The following UBE2E2 variants were observed in gnomAD, a reference collection of about 807,000 sequenced individuals.
UBE2E2 encodes the protein ubiquitin-conjugating enzyme E2 E2.
A neutral mutation model predicts 24.7 loss-of-function variants in UBE2E2; 6 were observed. The ratio of observed to expected loss-of-function variants is 0.24; its 90% CI spans 0.13 to 0.48. The LOEUF (loss-of-function observed/expected upper bound fraction) is 0.48. UBE2E2 is among the 20% of genes least tolerant of loss of function. The pLI, the probability that UBE2E2 is intolerant of heterozygous loss-of-function variation, is 0.99. For missense variants in UBE2E2, 169 were observed against 245.0 expected (o/e 0.69, Z 2.07); for synonymous variants, 104 against 83.6 (o/e 1.24, Z -1.33).
chr3:23,361,376 C>G (rs1696109319), intron 3 of UBE2E2, among the ~76,000 whole-genome samples: 1 of 149,638 alleles, frequency 6.7e-6, no homozygotes, highest in Admixed American at 6.7e-5. Context: ...ACAACATGCA[C>G]ACACATGTTT....
intron 3 of UBE2E2, among the ~76,000 whole-genome samples, chr3:23,400,700 TAGAA>T (rs1697202657): frequency 2.0e-5 from 3 of 152,014 alleles, no homozygotes; most frequent in Non-Finnish European, 2.9e-5. Flanking sequence ...TCCACTTAAA[TAGAA>T]AGCCACATTC....
intron 3 of UBE2E2, among the ~76,000 whole-genome samples, chr3:23,375,896 A>T (rs1696509701): frequency 6.6e-6 from 1 of 152,166 alleles, no homozygotes; most frequent in Non-Finnish European, 1.5e-5. Context: ...ATAAGGCAAA[A>T]ATTAAATTAT....
At chr3:23,378,928 A>G (rs568531122) in intron 3 of UBE2E2, among the ~76,000 whole-genome samples, 2 of 152,294 alleles carry the variant, frequency 1.3e-5, no homozygotes, top group East Asian at 3.9e-4. Context: ...AATCTCTATA[A>G]CACCCTTTAA....
chr3:23,326,212 C>T (rs1041635434), intron 3 of UBE2E2, among the ~76,000 whole-genome samples: 10 of 152,284 alleles, frequency 6.6e-5, no homozygotes, highest in African/African-American at 2.4e-4. Context: ...GCTGGGATTA[C>T]AGGCGCCTGC....
At chr3:23,358,423 A>G (rs1305143938) in intron 3 of UBE2E2, among the ~76,000 whole-genome samples, 1 of 152,234 alleles carries the variant, frequency 6.6e-6, no homozygotes, top group African/African-American at 2.4e-5. Context: ...GTCTGGGAAC[A>G]TTTAATATGT....
intron 3 of UBE2E2, among the ~76,000 whole-genome samples, chr3:23,485,469 G>T (rs1260246814): frequency 6.6e-6 from 1 of 152,016 alleles, no homozygotes; most frequent in African/African-American, 2.4e-5. Context: ...GCCTATTTTA[G>T]CCATCTAGCA....
chr3:23,262,992 T>C (rs1212346020), intron 3 of UBE2E2, among the ~76,000 whole-genome samples: 1 of 152,168 alleles, frequency 6.6e-6, no homozygotes, highest in Admixed American at 6.5e-5. Flanking sequence ...TTTCTGAGTG[T>C]ACAGAGGGAA....
intron 3 of UBE2E2, among the ~76,000 whole-genome samples, chr3:23,453,347 GTTTT>G (rs200420807): frequency 1.3e-5 from 2 of 148,886 alleles, no homozygotes; most frequent in African/African-American, 2.5e-5. Flanking sequence ...ATTTGTTTCT[GTTTT>G]TTTTTGTGGT....
chr3:23,219,309 C>G (rs1161416567), intron 3 of UBE2E2, among the ~76,000 whole-genome samples: 1 of 152,160 alleles, frequency 6.6e-6, no homozygotes, highest in Non-Finnish European at 1.5e-5. Flanking sequence ...TTAATCAACA[C>G]TTATCAGTGT....
At chr3:23,299,838 T>G (rs888842786) in intron 3 of UBE2E2, among the ~76,000 whole-genome samples, 17 of 152,328 alleles carry the variant, frequency 1.1e-4, no homozygotes, top group Middle Eastern at 3.4e-3. Flanking sequence ...CTGGGTATCC[T>G]TGTTAACTTT....
chr3:23,434,681 A>T (rs1698144524), intron 3 of UBE2E2, among the ~76,000 whole-genome samples: 1 of 152,208 alleles, frequency 6.6e-6, no homozygotes, highest in Non-Finnish European at 1.5e-5. Flanking sequence ...GAAAGGCATA[A>T]AGATGTACTA....
intron 1 of UBE2E2, among the ~76,000 whole-genome samples, chr3:23,208,017 C>G (rs555306504): frequency 1.6e-3 from 240 of 152,212 alleles, no homozygotes; most frequent in Middle Eastern, 0.014. Context: ...CTGGCAACCA[C>G]TTACCCATTT....
At chr3:23,445,933 G>T (rs945916849) in intron 3 of UBE2E2, among the ~76,000 whole-genome samples, 1 of 152,058 alleles carries the variant, frequency 6.6e-6, no homozygotes, top group African/African-American at 2.4e-5. Context: ...CTTCTCTTTT[G>T]GTGCTTGCCA....
At chr3:23,489,494 A>ATGT (rs1699451207) in intron 3 of UBE2E2, among the ~76,000 whole-genome samples, 1 of 152,208 alleles carries the variant, frequency 6.6e-6, no homozygotes, top group South Asian at 2.1e-4. Flanking sequence ...AGCATGCAAG[A>ATGT]TGTCATACAG....
At chr3:23,377,323 G>C (rs994761254) in intron 3 of UBE2E2, among the ~76,000 whole-genome samples, 2 of 152,186 alleles carry the variant, frequency 1.3e-5, no homozygotes, top group African/African-American at 4.8e-5. Context: ...ATCTAAAAGT[G>C]TGTTACTCTG....
Position 23,246,178 on chromosome 3 carries a change from C to A in UBE2E2, c.227+28866C>A, listed in dbSNP as rs140511173. ...TCAAGTGATCCTTCCACCTCAGCCT[C>A]CCAAGTAGTTGGGACTACAGGTGTA... On this transcript the variant is annotated intron_variant, in intron 3 of 5. Transcript: ENST00000396703. 5.8e-4 allele frequency among the ~76,000 whole-genome samples: 88 copies of A among 151,094 alleles called. 3 individuals carry two copies. In the East Asian group the frequency reaches 0.016, roughly 27 times the overall value.
chr3:23,376,301 T>C (rs1395231119), intron 3 of UBE2E2, among the ~76,000 whole-genome samples: 1 of 152,174 alleles, frequency 6.6e-6, no homozygotes, highest in Non-Finnish European at 1.5e-5. Context: ...TGGATTTGTT[T>C]TGTGTGGTAG....
At chr3:23,222,215 T>G (rs1696667888) in intron 3 of UBE2E2, among the ~76,000 whole-genome samples, 1 of 152,226 alleles carries the variant, frequency 6.6e-6, no homozygotes, top group Admixed American at 6.5e-5. Context: ...TTCCATTGTG[T>G]GTATATACCA....
At chr3:23,323,254 T>C (rs1380746264) in intron 3 of UBE2E2, among the ~76,000 whole-genome samples, 2 of 152,152 alleles carry the variant, frequency 1.3e-5, no homozygotes, top group African/African-American at 4.8e-5. Flanking sequence ...GGTGTTTAAG[T>C]AAATTGCCTA....
Sources: gnomAD v4.1 joint callset for allele counts (sites outside exome capture counted in the v4.1 genomes callset) on GRCh38, gnomAD v4.1.1 for gene constraint, MANE v1.5 for transcripts, NCBI Gene and HGNC (gene_info 2026-07-23, HGNC 2026-07-21) for gene names.